Variants in LUZP2 observed in about 807,000 individuals in gnomAD.
LUZP2 encodes the protein leucine zipper protein 2.
In LUZP2, 52 loss-of-function variants were observed where a neutral mutation model predicts 51.6. That is an observed-to-expected ratio of 1.01 (90% CI 0.81 to 1.27). The LOEUF (loss-of-function observed/expected upper bound fraction) is 1.27, where lower values mean the gene tolerates loss of function less well. Ranked by LOEUF, LUZP2 falls within the 50% of genes most tolerant of loss-of-function variation. The pLI, the probability that LUZP2 is intolerant of heterozygous loss-of-function variation, is 0.00. For synonymous variants in LUZP2, 154 were observed against 137.3 expected (o/e 1.12, Z -0.85); for missense variants, 436 against 395.4 (o/e 1.10, Z -0.87).
chr11:24,721,879 A>G (rs1858283772), intron 1 of LUZP2, among the ~76,000 whole-genome samples: 1 of 152,202 alleles, frequency 6.6e-6, no homozygotes, highest in African/African-American at 2.4e-5. Context: ...ACTCTTGGGT[A>G]TCTATATACT....
At chr11:24,615,759 C>T (rs756778063) in intron 1 of LUZP2, among the ~76,000 whole-genome samples, 2 of 151,548 alleles carry the variant, frequency 1.3e-5, no homozygotes, top group Non-Finnish European at 2.9e-5. Context: ...TTTACCTTTC[C>T]ATCAACAATG....
At chr11:24,724,506 G>A (rs148667711) in intron 1 of LUZP2, among the ~76,000 whole-genome samples, 373 of 152,184 alleles carry the variant, frequency 2.5e-3, no homozygotes, top group African/African-American at 8.7e-3. Flanking sequence ...AAGAAGCAGA[G>A]GTTGCAGTAA....
intron 1 of LUZP2, among the ~76,000 whole-genome samples, chr11:24,577,983 T>C (rs1852713992): frequency 6.6e-6 from 1 of 152,140 alleles, no homozygotes; most frequent in Non-Finnish European, 1.5e-5. Flanking sequence ...CCATCAGCGT[T>C]CTGTACTTCT....
intron 10 of LUZP2, among the ~76,000 whole-genome samples, chr11:25,059,743 A>G (rs866490539): frequency 6.6e-6 from 1 of 152,162 alleles, no homozygotes; most frequent in Non-Finnish European, 1.5e-5. Flanking sequence ...GGAGGAGAGG[A>G]AAAGAAACAA....
chr11:24,789,288 G>A (rs1181909900), intron 5 of LUZP2, among the ~76,000 whole-genome samples: 1 of 152,096 alleles, frequency 6.6e-6, no homozygotes, highest in African/African-American at 2.4e-5. Flanking sequence ...GGTCAACTAG[G>A]GATGCCAGGA....
At chr11:24,658,659 T>G (rs1855904478) in intron 1 of LUZP2, among the ~76,000 whole-genome samples, 2 of 151,954 alleles carry the variant, frequency 1.3e-5, no homozygotes, top group African/African-American at 4.8e-5. Flanking sequence ...GGGAGAAAAT[T>G]TTTGCAATCT....
Position 24,985,888 on chromosome 11 carries a change from A to G in LUZP2, c.765+2595A>G, listed in dbSNP as rs114303898. ...GAATAGGGTTAAATATTGGAAATAA[A>G]TAAAATTACCTGAAGAGACAGTATG... On this transcript the variant is annotated intron_variant, in intron 9 of 11. Coordinates refer to ENST00000336930, the MANE Select transcript of LUZP2 (RefSeq NM_001009909.4). 7.5e-3 allele frequency among the ~76,000 whole-genome samples: 1,138 copies of G among 151,850 alleles called. 11 individuals are homozygous for G. The highest frequency in any genetic ancestry group is 0.026 in the African/African-American group (1,077 of 41,510).
intron 9 of LUZP2, among the ~76,000 whole-genome samples, chr11:25,013,467 C>G (rs1857038351): frequency 6.6e-6 from 1 of 152,090 alleles, no homozygotes; most frequent in South Asian, 2.1e-4. Flanking sequence ...CAGGCCTACA[C>G]TAGCTTACCC....
At chr11:24,719,185 GC>G (rs2133947459) in intron 1 of LUZP2, among the ~76,000 whole-genome samples, 1 of 151,592 alleles carries the variant, frequency 6.6e-6, no homozygotes, top group South Asian at 2.1e-4. Flanking sequence ...GATTAGAAAA[GC>G]AAAAAAAAGA....
In LUZP2 at chr11:24,964,302, A is replaced by G. The variant is rs184103927; in HGVS notation, c.523-12289A>G. ...ATAATGGTGGTGATTGTTTTATATAATCTCAGAAAAAGAGGCTGAGAAAAT... is the reference window on the plus strand; with the variant it reads ...ATAATGGTGGTGATTGTTTTATATAGTCTCAGAAAAAGAGGCTGAGAAAAT... On this transcript the variant is annotated intron_variant, in intron 7 of 11. Coordinates refer to ENST00000336930, the MANE Select transcript of LUZP2 (RefSeq NM_001009909.4). 1.9e-4 allele frequency among the ~76,000 whole-genome samples: 29 copies of G among 152,292 alleles called. No individual in the cohort carries two copies. The East Asian group carries it at 5.4e-3, about 28-fold the overall frequency.
chr11:24,813,425 A>T (rs1200240619), intron 5 of LUZP2, among the ~76,000 whole-genome samples: 4 of 152,200 alleles, frequency 2.6e-5, no homozygotes, highest in Non-Finnish European at 5.9e-5. Context: ...AGGCCTCAAG[A>T]AGCTTCCAGT....
chr11:24,641,590 T>C (rs1032637422), intron 1 of LUZP2, among the ~76,000 whole-genome samples: 1 of 151,856 alleles, frequency 6.6e-6, no homozygotes, highest in Non-Finnish European at 1.5e-5. Context: ...TCCCTTCAAA[T>C]TGAATATTTA....
At chr11:25,005,927 T>G (rs1856821655) in intron 9 of LUZP2, among the ~76,000 whole-genome samples, 1 of 152,232 alleles carries the variant, frequency 6.6e-6, no homozygotes, top group South Asian at 2.1e-4. Context: ...CCTATAAAGA[T>G]GTTATGCCCC....
rs564184475 is a variant in LUZP2 at position 25,014,947 on chromosome 11, C to T, written c.765+31654C>T. ...TTTGTATAAGGTGTAAGGAAGGGATCCAGTTTCAGCTTTCTACATATGGCT... is the reference window on the plus strand; with the variant it reads ...TTTGTATAAGGTGTAAGGAAGGGATTCAGTTTCAGCTTTCTACATATGGCT... On this transcript the variant is annotated intron_variant, in intron 9 of 11. Coordinates refer to ENST00000336930, the MANE Select transcript of LUZP2 (RefSeq NM_001009909.4). Among the ~76,000 whole-genome samples the T allele has an allele frequency of 3.3e-5, 5 of 152,218 alleles. No individual in the cohort carries two copies. In the East Asian group the frequency reaches 9.7e-4, roughly 29 times the overall value.
chr11:24,555,400 C>T (rs1851836968), intron 1 of LUZP2, among the ~76,000 whole-genome samples: 1 of 152,120 alleles, frequency 6.6e-6, no homozygotes, highest in Non-Finnish European at 1.5e-5. Context: ...AAACTTACAA[C>T]TGCATGAAGG....
intron 7 of LUZP2, among the ~76,000 whole-genome samples, chr11:24,933,729 T>C (rs1314878173): frequency 6.6e-6 from 1 of 152,174 alleles, no homozygotes; most frequent in Non-Finnish European, 1.5e-5. Flanking sequence ...CGCATCTGTG[T>C]GAAGGGACCA....
At chr11:24,683,703 T>C (rs1856814749) in intron 1 of LUZP2, among the ~76,000 whole-genome samples, 1 of 152,190 alleles carries the variant, frequency 6.6e-6, no homozygotes, top group African/African-American at 2.4e-5. Context: ...CTCATGGACA[T>C]AATTTATATT....
intron 8 of LUZP2, 62 bp downstream of exon 8, chr11:24,976,727 A>G: frequency 1.3e-6 from 1 of 778,526 alleles, no homozygotes; most frequent in Non-Finnish European, 1.9e-6. Context: ...AAAAAAAAAA[A>G]AAAGTTAAAG....
chr11:24,514,417 C>G (rs563265260), intron 1 of LUZP2, among the ~76,000 whole-genome samples: 1 of 152,182 alleles, frequency 6.6e-6, no homozygotes, highest in Admixed American at 6.5e-5. Context: ...GTATCCACAT[C>G]TCAGAGCAGC....
Sources: allele counts gnomAD v4.1 joint callset (sites outside exome capture counted in the v4.1 genomes callset), GRCh38; gene constraint gnomAD v4.1.1; transcripts MANE v1.5; gene names NCBI Gene and HGNC (gene_info 2026-07-23, HGNC 2026-07-21).